The following KCNK9 variants were observed in gnomAD, a reference collection of about 807,000 sequenced individuals.
KCNK9 encodes the protein potassium two pore domain channel subfamily K member 9.
A neutral mutation model predicts 10.8 loss-of-function variants in KCNK9; 1 was observed. The observed-to-expected ratio is 0.09, with a 90% CI of 0.03 to 0.44. KCNK9 has a LOEUF of 0.44. KCNK9 is among the 20% of genes least tolerant of loss of function. The pLI is 0.97. For missense variants in KCNK9, 303 were observed against 515.0 expected (o/e 0.59, Z 3.98); for synonymous variants, 231 against 222.7 (o/e 1.04, Z -0.33).
chr8:139,688,621 A>G (rs1354983695), intron 1 of KCNK9, among the ~76,000 whole-genome samples: 1 of 152,226 alleles, frequency 6.6e-6, no homozygotes, highest in Non-Finnish European at 1.5e-5. Flanking sequence ...GGGGACACAG[A>G]GCCAAACCAT....
intron 1 of KCNK9, among the ~76,000 whole-genome samples, chr8:139,631,060 C>T (rs769287362): frequency 2.9e-4 from 44 of 152,340 alleles, no homozygotes; most frequent in Non-Finnish European, 5.9e-4. Flanking sequence ...CTGGCGGGCA[C>T]TCGGGCGACT....
chr8:139,620,571 C>A (rs998294171), intron 1 of KCNK9, among the ~76,000 whole-genome samples: 3 of 152,072 alleles, frequency 2.0e-5, no homozygotes, highest in African/African-American at 7.2e-5. Flanking sequence ...TCCATCAGGG[C>A]TTCATTGCCT....
At chr8:139,655,050 G>T (rs941996958) in intron 1 of KCNK9, among the ~76,000 whole-genome samples, 5 of 152,152 alleles carry the variant, frequency 3.3e-5, no homozygotes, top group Non-Finnish European at 5.9e-5. Flanking sequence ...GGGGCAGGTG[G>T]CAGAGCTAGA....
chr8:139,629,154 G>A (rs970009685), intron 1 of KCNK9, among the ~76,000 whole-genome samples: 9 of 152,218 alleles, frequency 5.9e-5, no homozygotes. Flanking sequence ...GCTGAGCCTC[G>A]ATACACATCA....
chr8:139,672,341 G>T (rs1816448245), intron 1 of KCNK9, among the ~76,000 whole-genome samples: 1 of 152,156 alleles, frequency 6.6e-6, no homozygotes, highest in Non-Finnish European at 1.5e-5. Context: ...CTTCGTGGTG[G>T]CAGGCTAAGC....
downstream of KCNK9, among the ~76,000 whole-genome samples, chr8:139,608,434 C>T (rs530288744): frequency 3.9e-5 from 6 of 152,374 alleles, no homozygotes; most frequent in East Asian, 9.6e-4. Context: ...GACGGGGAAA[C>T]GAAGGCTCTA....
chr8:139,617,276 T>C lies in KCNK9; in HGVS notation c.*982A>G, dbSNP rs549486830. Among the ~76,000 whole-genome samples the C allele has an allele frequency of 6.6e-6, 1 of 152,272 alleles. No homozygotes were observed. Among genetic ancestry groups the C allele is most frequent in the East Asian group, 1.9e-4 (1 of 5,188 alleles). ...GGTAGGTGCTGCACAAAATCATCAA[T>C]AAGAGGGAAATAGATACTCTGGGGT... On this transcript the variant is annotated 3_prime_UTR_variant, in exon 2 of 2. Transcript: ENST00000520439.
chr8:139,608,603 G>A (rs548032283), downstream of KCNK9, among the ~76,000 whole-genome samples: 1 of 151,724 alleles, frequency 6.6e-6, no homozygotes, highest in East Asian at 1.9e-4. Flanking sequence ...TCCTGTGCAG[G>A]GGCTACTGCA....
At chr8:139,627,676 T>G (rs905354447) in intron 1 of KCNK9, among the ~76,000 whole-genome samples, 2 of 152,268 alleles carry the variant, frequency 1.3e-5, no homozygotes, top group African/African-American at 4.8e-5. Context: ...CGTTTCACTG[T>G]AAGTGATTAA....
At chr8:139,643,245 G>A (rs1226954753) in intron 1 of KCNK9, among the ~76,000 whole-genome samples, 1 of 152,182 alleles carries the variant, frequency 6.6e-6, no homozygotes, top group Non-Finnish European at 1.5e-5. Context: ...AGTGAGCCAG[G>A]TCCCCTCTGA....
chr8:139,662,264 C>G (rs924583105), intron 1 of KCNK9, among the ~76,000 whole-genome samples: 4 of 152,120 alleles, frequency 2.6e-5, no homozygotes, highest in Non-Finnish European at 5.9e-5. Flanking sequence ...TGGGGTCCTT[C>G]CTGCCCAGGG....
At position 139,618,608 on chromosome 8, in the gene KCNK9, C is replaced by T. The variant is rs1258041087; in HGVS notation, c.775G>A (p.Glu259Lys). 8 of 1,613,994 alleles carry T rather than the reference C, an allele frequency of 5.0e-6. No individual in the cohort carries two copies. In the Admixed American group the frequency reaches 1.3e-4, roughly 27 times the overall value. Residue 259 changes from glutamate to lysine, a missense_variant, in exon 2 of 2, where the codon GAA becomes AAA. Physicochemically the swap from Glu to Lys is moderately conservative, Grantham distance 56 (BLOSUM62 1). Around this residue, in one of 5 missense-constraint regions of KCNK9, gnomAD observed 138 missense variants for 161.1 expected, o/e 0.86. Coordinates refer to ENST00000520439, the MANE Select transcript of KCNK9 (RefSeq NM_001282534.2). The surrounding 1 kb of genome is among the most constrained non-coding windows in gnomAD (Gnocchi z 7.9). ...MNSEDERRDA[E>K]ERASLAGNRN... Reference sequence around the variant, plus strand: ...TTTCCGGCGAGGGATGCCCTCTCTTCAGCATCCCGCCGCTCATCCTCACTG... The same window carrying T: ...TTTCCGGCGAGGGATGCCCTCTCTTTAGCATCCCGCCGCTCATCCTCACTG...
At chr8:139,666,359 T>C (rs1450331468) in intron 1 of KCNK9, among the ~76,000 whole-genome samples, 3 of 152,222 alleles carry the variant, frequency 2.0e-5, no homozygotes, top group Admixed American at 2.0e-4. Context: ...GCTATGTCAG[T>C]GCTGTGTGAG....
chr8:139,698,691 C>A (rs1817124544), intron 1 of KCNK9, among the ~76,000 whole-genome samples: 1 of 152,222 alleles, frequency 6.6e-6, no homozygotes, highest in Non-Finnish European at 1.5e-5. Flanking sequence ...AGCCTCAGAG[C>A]CTTGGAGCAG....
At chr8:139,626,892 G>A (rs1426619052) in intron 1 of KCNK9, among the ~76,000 whole-genome samples, 2 of 152,228 alleles carry the variant, frequency 1.3e-5, no homozygotes, top group Non-Finnish European at 2.9e-5. Flanking sequence ...TGGGCCTCAG[G>A]CTTCCCACCT....
chr8:139,641,371 C>T (rs576897456), intron 1 of KCNK9, among the ~76,000 whole-genome samples: 1 of 152,260 alleles, frequency 6.6e-6, no homozygotes, highest in East Asian at 1.9e-4. Flanking sequence ...AAGAGCCCAC[C>T]CTGGCAGGAC....
At chr8:139,663,095 A>G (rs1049870422) in intron 1 of KCNK9, among the ~76,000 whole-genome samples, 1 of 152,026 alleles carries the variant, frequency 6.6e-6, no homozygotes, top group Non-Finnish European at 1.5e-5. Context: ...ACTCCCTGGG[A>G]GGAAAGGAGG....
chr8:139,618,466 T>C lies in KCNK9; in HGVS notation c.917A>G (p.Asp306Gly). The change falls in exon 2 of 2, where the codon GAC (aspartate) becomes GGC (glycine). Residue 306 changes from aspartate (D) to glycine (G), a missense_variant. Asp to Gly is a moderately conservative substitution (Grantham distance 94, BLOSUM62 -1). Around this residue, in one of 5 missense-constraint regions of KCNK9, gnomAD observed 138 missense variants for 161.1 expected, o/e 0.86. Transcript: ENST00000520439. This position sits in a 1 kb window ranked among gnomAD's most constrained non-coding sequence, Gnocchi z 7.9. ...VCSCTCYRSQ[D>G]YGGRSVAPQN... is the part of the protein sequence containing the mutation. ...CGGTGCCACCGAGCGGCCGCCATAG[T>C]CCTGCGAGCGGTAGCAGGTGCAGGA... The C allele has an allele frequency of 6.2e-7, 1 of 1,614,070 alleles. No individual in the cohort carries two copies.
intron 1 of KCNK9, among the ~76,000 whole-genome samples, chr8:139,624,257 G>A (rs559944583): frequency 6.6e-6 from 1 of 152,344 alleles, no homozygotes; most frequent in South Asian, 2.1e-4. Context: ...TGGTCACACG[G>A]AGTCAGGCCT....
Sources: gnomAD v4.1 joint callset for allele counts (sites outside exome capture counted in the v4.1 genomes callset) on GRCh38, gnomAD v4.1.1 for gene constraint, gnomAD v4.1.1 regional missense constraint, Gnocchi (gnomAD v3.1) non-coding constraint, MANE v1.5 for transcripts, NCBI Gene and HGNC (gene_info 2026-07-23, HGNC 2026-07-21) for gene names.